The following ARHGAP22 variants were observed in gnomAD, a reference collection of about 807,000 sequenced individuals.
ARHGAP22 encodes the protein Rho GTPase activating protein 22, also known as rho GTPase-activating protein 22.
A neutral mutation model predicts 59.1 loss-of-function variants in ARHGAP22; 48 were observed. The ratio of observed to expected loss-of-function variants is 0.81; its 90% confidence interval spans 0.64 to 1.03. The LOEUF is 1.03. ARHGAP22 is among the 50% of genes least tolerant of loss of function. ARHGAP22 has a pLI of 0.00. For synonymous variants in ARHGAP22, 445 were observed against 416.4 expected, an observed-to-expected ratio of 1.07 and a Z score of -0.84; for missense variants, 1,015 against 958.7, an observed-to-expected ratio of 1.06 and a Z score of -0.78.
chr10:48,450,192 G>T lies in ARHGAP22; in HGVS notation c.1868+69C>A, dbSNP rs2045763949. 3 of 1,553,730 alleles carry T rather than the reference G, an allele frequency of 1.9e-6. No homozygotes were observed. In the Admixed American group the frequency reaches 5.7e-5, roughly 30 times the overall value. ...CCAGAGGTTAGGGGCCGACGCCCATGTGCCAAGAGCACGGCTCTCCCTGCA... is the reference window on the plus strand; with the variant it reads ...CCAGAGGTTAGGGGCCGACGCCCATTTGCCAAGAGCACGGCTCTCCCTGCA... On this transcript the variant is annotated intron_variant, in intron 9 of 9. Coordinates refer to ENST00000249601, the MANE Select transcript of ARHGAP22 (RefSeq NM_021226.4).
chr10:48,582,753 T>C, intron 2 of ARHGAP22, 200 bp downstream of exon 2: 1 of 611,200 alleles, frequency 1.6e-6, no homozygotes, highest in East Asian at 2.8e-5. Flanking sequence ...ATTGCAGAAG[T>C]TGTGGACATG....
intron 9 of ARHGAP22, among the ~76,000 whole-genome samples, chr10:48,447,483 C>T (rs976300789): frequency 3.9e-5 from 6 of 152,184 alleles, no homozygotes; most frequent in African/African-American, 7.2e-5. Flanking sequence ...GCACCTGGTA[C>T]GTGGTGCATG....
At chr10:48,548,970 A>C (rs772043647) in intron 3 of ARHGAP22, among the ~76,000 whole-genome samples, 18 of 152,218 alleles carry the variant, frequency 1.2e-4, no homozygotes, top group Non-Finnish European at 2.5e-4. Context: ...CTCGGATCCC[A>C]GCAAGTTACT....
At position 48,454,121 on chromosome 10, in the gene ARHGAP22, T is replaced by C. The variant is rs761025742; in HGVS notation, c.833A>G (p.Gln278Arg). The C allele has an allele frequency of 1.2e-6, 2 of 1,613,924 alleles. No individual in the cohort carries two copies. Among genetic ancestry groups the C allele is most frequent in the African/African-American group, 1.3e-5 (1 of 74,894 alleles). Residue 278 changes from glutamine to arginine, a missense_variant, in exon 7 of 10, where the codon CAG becomes CGG. Transcript: ENST00000249601. ...ELAKQVSNLP[Q>R]ANYNLLRYIC... ...GTATCTGAGCAGGTTGTAATTTGCC[T>C]GAGGAAGGTTGCTCACTTGTTTAGC...
intron 2 of ARHGAP22, among the ~76,000 whole-genome samples, chr10:48,569,692 T>G (rs1409006044): frequency 6.6e-6 from 1 of 152,234 alleles, no homozygotes; most frequent in Non-Finnish European, 1.5e-5. Flanking sequence ...TGACTTAAAT[T>G]AGCAGATCCT....
At chr10:48,609,570 G>C (rs1251350320), upstream of ARHGAP22, among the ~76,000 whole-genome samples, 1 of 152,144 alleles carries the variant, frequency 6.6e-6, no homozygotes. Context: ...ATACTGTATT[G>C]AGTCATTTCA....
chr10:48,520,492 C>A (rs60128644), intron 3 of ARHGAP22, among the ~76,000 whole-genome samples: 1,792 of 152,038 alleles, frequency 0.012, 42 homozygotes, highest in African/African-American at 0.041. Flanking sequence ...GACAGGGGGG[C>A]CAGGATGAGT....
chr10:48,441,475 A>G (rs1334732764), downstream of ARHGAP22, among the ~76,000 whole-genome samples: 3 of 147,010 alleles, frequency 2.0e-5, no homozygotes, highest in Non-Finnish European at 4.5e-5. Flanking sequence ...TTTTTGAGAC[A>G]GAGTCTCGCT....
intron 2 of ARHGAP22, among the ~76,000 whole-genome samples, chr10:48,579,574 A>G (rs538122450): frequency 7.3e-4 from 111 of 152,278 alleles, no homozygotes; most frequent in African/African-American, 2.5e-3. Flanking sequence ...TCTTGTATCT[A>G]TGCTTTCTGT....
At chr10:48,439,868 G>A in the ARHGAP22 span, among the ~76,000 whole-genome samples, 1 of 152,118 alleles carries the variant, frequency 6.6e-6, no homozygotes, top group Non-Finnish European at 1.5e-5. Context: ...CCTTTGTACC[G>A]TGCTGTCTGC....
rs12252913 is a variant in ARHGAP22 at position 48,625,567 on chromosome 10, C to T, written c.52+26667G>A. 7.8e-3 allele frequency among the ~76,000 whole-genome samples: 1,188 copies of T among 152,220 alleles called. 14 individuals carry two copies. The highest frequency in any genetic ancestry group is 0.027 in the African/African-American group (1,104 of 41,524). ...AGTGAAGAGCCATGCCTTCCAGTGCCGTTATTTTGCATTTTCACCCTGAAA... is the reference window on the plus strand; with the variant it reads ...AGTGAAGAGCCATGCCTTCCAGTGCTGTTATTTTGCATTTTCACCCTGAAA... On this transcript the variant is annotated intron_variant, in intron 1 of 9. Transcript: ENST00000435790.
intron 3 of ARHGAP22, among the ~76,000 whole-genome samples, chr10:48,499,672 C>T (rs2051305657): frequency 6.6e-6 from 1 of 152,198 alleles, no homozygotes; most frequent in African/African-American, 2.4e-5. Flanking sequence ...ATTACTCCTG[C>T]TGTTAAATTA....
At chr10:48,459,594 C>G in intron 5 of ARHGAP22, 90 bp downstream of exon 5, 1 of 1,458,636 alleles carries the variant, frequency 6.9e-7, no homozygotes, top group Non-Finnish European at 9.5e-7. Context: ...CGCTAGCCCA[C>G]CCCTGCCCAC....
At chr10:48,432,319 A>G in the ARHGAP22 span, among the ~76,000 whole-genome samples, 4 of 152,240 alleles carry the variant, frequency 2.6e-5, no homozygotes. Context: ...TACTATAAAC[A>G]TAATTGTTTA....
intron 1 of ARHGAP22, among the ~76,000 whole-genome samples, chr10:48,627,056 C>A (rs1443006746): frequency 1.3e-5 from 2 of 152,222 alleles, no homozygotes; most frequent in Non-Finnish European, 2.9e-5. Context: ...GTTCAGGGAG[C>A]TTCCGGGTTG....
At chr10:48,594,316 C>G (rs1158834914) in intron 1 of ARHGAP22, among the ~76,000 whole-genome samples, 1 of 152,206 alleles carries the variant, frequency 6.6e-6, no homozygotes, top group African/African-American at 2.4e-5. Flanking sequence ...GCACACTGGT[C>G]CCTCTCTGCA....
chr10:48,503,320 C>T (rs569436412), intron 3 of ARHGAP22, among the ~76,000 whole-genome samples: 3 of 152,296 alleles, frequency 2.0e-5, no homozygotes, highest in African/African-American at 2.4e-5. Context: ...GAGGGAATAA[C>T]GGATGGCTCA....
intron 4 of ARHGAP22, among the ~76,000 whole-genome samples, chr10:48,462,067 G>A (rs1008361533): frequency 3.3e-5 from 5 of 152,176 alleles, no homozygotes; most frequent in Non-Finnish European, 7.4e-5. Flanking sequence ...ACACATGCCC[G>A]CGTGGGCTAC....
intron 3 of ARHGAP22, among the ~76,000 whole-genome samples, chr10:48,509,879 T>G (rs769670863): frequency 1.3e-5 from 2 of 152,122 alleles, no homozygotes; most frequent in Non-Finnish European, 2.9e-5. Context: ...ATCACTTTAT[T>G]AGGAGAAACT....
Sources: allele counts gnomAD v4.1 joint callset (sites outside exome capture counted in the v4.1 genomes callset), GRCh38; gene constraint gnomAD v4.1.1; transcripts MANE v1.5; gene names NCBI Gene and HGNC (gene_info 2026-07-23, HGNC 2026-07-21).